SRGAP3: variants seen among roughly 807,000 people sequenced by gnomAD.
The protein encoded by SRGAP3 is SLIT-ROBO Rho GTPase activating protein 3.
A neutral mutation model predicts 121.1 loss-of-function variants in SRGAP3; 39 were observed. The observed-to-expected ratio is 0.32, with a 90% CI of 0.25 to 0.42. The LOEUF (loss-of-function observed/expected upper bound fraction) is 0.42, where lower values mean the gene tolerates loss of function less well. Ranked by LOEUF, SRGAP3 falls within the 10% of genes least tolerant of loss-of-function variation. SRGAP3 has a pLI of 1.00. For synonymous variants in SRGAP3, 601 were observed against 570.0 expected, an observed-to-expected ratio of 1.05 and a Z score of -0.77; for missense variants, 1,213 against 1,470.6, an observed-to-expected ratio of 0.82 and a Z score of 2.86.
intron 1 of SRGAP3, among the ~76,000 whole-genome samples, chr3:9,175,397 A>AGGGCC (rs1057378560): frequency 2.6e-5 from 4 of 152,220 alleles, no homozygotes; most frequent in African/African-American, 7.2e-5. Context: ...AGCACAAGCC[A>AGGGCC]GGGCCACAGA....
intron 3 of SRGAP3, among the ~76,000 whole-genome samples, chr3:9,088,436 T>C (rs1947591949): frequency 6.6e-6 from 1 of 152,182 alleles, no homozygotes; most frequent in Non-Finnish European, 1.5e-5. Flanking sequence ...CCTGGTTCCT[T>C]TGCCTCTTTG....
chr3:9,053,315 T>C (rs1057464901), intron 8 of SRGAP3, 91 bp from the exon 9 acceptor site: 2 of 1,294,096 alleles, frequency 1.5e-6, no homozygotes. Flanking sequence ...CTTTACTTCT[T>C]CCATATGAAG....
intron 1 of SRGAP3, among the ~76,000 whole-genome samples, chr3:9,340,364 G>T (rs1399751719): frequency 1.3e-5 from 2 of 152,240 alleles, no homozygotes; most frequent in Non-Finnish European, 2.9e-5. Flanking sequence ...AGTGACAGAT[G>T]TAAAAAGATT....
At chr3:9,291,934 T>C (rs1954876792) in intron 3 of SRGAP3, among the ~76,000 whole-genome samples, 1 of 152,138 alleles carries the variant, frequency 6.6e-6, no homozygotes, top group Non-Finnish European at 1.5e-5. Flanking sequence ...AGAAACTAAA[T>C]AGAGCCTCTT....
intron 1 of SRGAP3, among the ~76,000 whole-genome samples, chr3:9,345,035 CA>C (rs929864523): frequency 1.2e-4 from 17 of 140,046 alleles, no homozygotes; most frequent in Admixed American, 1.4e-4. Context: ...GACTCCGTCT[CA>C]AAAAAAAAAA....
At chr3:9,068,213 C>T (rs936082392) in intron 4 of SRGAP3, among the ~76,000 whole-genome samples, 2 of 152,178 alleles carry the variant, frequency 1.3e-5, no homozygotes, top group Non-Finnish European at 2.9e-5. Context: ...CTGGGTAGTT[C>T]AGGGGAAAAG....
chr3:9,116,105 G>A (rs1294411520), intron 2 of SRGAP3, among the ~76,000 whole-genome samples: 5 of 152,002 alleles, frequency 3.3e-5, no homozygotes, highest in South Asian at 2.1e-4. Context: ...CCATATTACC[G>A]AAATGACACC....
At chr3:9,250,749 G>C (rs1953992389), upstream of SRGAP3, among the ~76,000 whole-genome samples, 1 of 152,208 alleles carries the variant, frequency 6.6e-6, no homozygotes, top group African/African-American at 2.4e-5. Context: ...CAGAGGCTCA[G>C]ATATGGGAAG....
At chr3:9,196,596 C>G (rs948832698) in intron 1 of SRGAP3, among the ~76,000 whole-genome samples, 1 of 152,108 alleles carries the variant, frequency 6.6e-6, no homozygotes, top group African/African-American at 2.4e-5. Context: ...TATCTTTTGT[C>G]TTAGAGTTAC....
At chr3:9,038,116 TTTAA>T (rs749128817) in intron 10 of SRGAP3, 26 bp from the exon 11 acceptor site, 1 of 1,614,090 alleles carries the variant, frequency 6.2e-7, no homozygotes, top group African/African-American at 1.3e-5. Flanking sequence ...TACATGAATG[TTTAA>T]TTGCCTTTTC....
At chr3:8,991,998 T>G (rs1332763347) in intron 20 of SRGAP3, among the ~76,000 whole-genome samples, 4 of 152,242 alleles carry the variant, frequency 2.6e-5, no homozygotes, top group Non-Finnish European at 4.4e-5. Flanking sequence ...TTTGTCTACC[T>G]ACGCCAGCCT....
chr3:9,128,140 A>C (rs1949310853), intron 1 of SRGAP3, among the ~76,000 whole-genome samples: 1 of 152,250 alleles, frequency 6.6e-6, no homozygotes, highest in South Asian at 2.1e-4. Flanking sequence ...AGATCTCCCA[A>C]GGTGGCCCTT....
Position 9,330,059 on chromosome 3 carries a change from T to A in SRGAP3, n.283+469A>T, listed in dbSNP as rs142344015. Among the ~76,000 whole-genome samples, 65 of 152,330 alleles carry A rather than the reference T, an allele frequency of 4.3e-4. No individual in the cohort carries two copies. In the East Asian group the frequency reaches 4.4e-3, roughly 10 times the overall value. Reference sequence around the variant, plus strand: ...AGACTTCGCTGCCTCCCAGGCCTAATGCATAAGCCAGAAGGAACTCAGTTT... The same window carrying A: ...AGACTTCGCTGCCTCCCAGGCCTAAAGCATAAGCCAGAAGGAACTCAGTTT... On this transcript the variant is annotated intron_variant and non_coding_transcript_variant, in intron 2 of 3. Transcript: ENST00000490889.
At chr3:9,319,455 A>G (rs1172293778) in intron 3 of SRGAP3, among the ~76,000 whole-genome samples, 5 of 151,976 alleles carry the variant, frequency 3.3e-5, no homozygotes, top group African/African-American at 1.2e-4. Flanking sequence ...ACTGCACAGC[A>G]GATGACAGCA....
intron 1 of SRGAP3, among the ~76,000 whole-genome samples, chr3:9,230,962 G>A (rs967253292): frequency 1.3e-5 from 2 of 152,030 alleles, no homozygotes; most frequent in Non-Finnish European, 2.9e-5. Context: ...CTAACTGCAG[G>A]TCTACCCCAG....
intron 3 of SRGAP3, among the ~76,000 whole-genome samples, chr3:9,306,217 A>C (rs1451472363): frequency 6.6e-6 from 1 of 152,158 alleles, no homozygotes; most frequent in Non-Finnish European, 1.5e-5. Context: ...TCTTCTTTTG[A>C]GAAGCGTCTG....
chr3:9,098,890 C>T (rs1001595971), intron 3 of SRGAP3, among the ~76,000 whole-genome samples: 5 of 152,136 alleles, frequency 3.3e-5, no homozygotes, highest in Non-Finnish European at 7.3e-5. Context: ...GCAGAGTGAC[C>T]GTTCGCGACT....
intron 1 of SRGAP3, among the ~76,000 whole-genome samples, chr3:9,335,973 AAAG>A (rs1955686196): frequency 6.6e-6 from 1 of 152,144 alleles, no homozygotes; most frequent in Non-Finnish European, 1.5e-5. Context: ...CTAGGGGAAA[AAAG>A]AAGATGGTTG....
At chr3:9,245,261 T>C (rs1009614206) in intron 1 of SRGAP3, among the ~76,000 whole-genome samples, 2 of 152,194 alleles carry the variant, frequency 1.3e-5, no homozygotes, top group African/African-American at 4.8e-5. Context: ...AGACAGAACA[T>C]GTACTCTGAA....
Sources: gnomAD v4.1 joint callset for allele counts (sites outside exome capture counted in the v4.1 genomes callset) on GRCh38, gnomAD v4.1.1 for gene constraint, MANE v1.5 for transcripts, NCBI Gene and HGNC (gene_info 2026-07-23, HGNC 2026-07-21) for gene names.